CDH12: variants seen among roughly 807,000 people sequenced by gnomAD.
CDH12 encodes cadherin-12.
In CDH12, 41 loss-of-function variants were observed where a neutral mutation model predicts 74.1. That is an observed-to-expected ratio of 0.55 (90% CI 0.43 to 0.72). The LOEUF (loss-of-function observed/expected upper bound fraction) is 0.72. Among genes scored for constraint, CDH12 ranks in the 30% least tolerant of loss-of-function variants. The pLI is 0.00. For synonymous variants in CDH12, 399 were observed against 355.0 expected (o/e 1.12, Z -1.39); for missense variants, 945 against 977.2 (o/e 0.97, Z 0.44).
At chr5:21,857,113 C>A (rs555730781) in intron 6 of CDH12, among the ~76,000 whole-genome samples, 59 of 151,774 alleles carry the variant, frequency 3.9e-4, no homozygotes, top group Non-Finnish European at 7.7e-4. Flanking sequence ...GCATGCAAAT[C>A]TCCGAGGACT....
intron 13 of CDH12, 64 bp from the exon 14 acceptor site, chr5:21,755,906 G>A: frequency 2.0e-6 from 3 of 1,487,934 alleles, no homozygotes; most frequent in Non-Finnish European, 2.8e-6. Flanking sequence ...CTTCAAGTTG[G>A]TATCTGCTCA....
At chr5:22,838,764 T>C (rs1335217755) in intron 1 of CDH12, among the ~76,000 whole-genome samples, 1 of 151,694 alleles carries the variant, frequency 6.6e-6, no homozygotes, top group Non-Finnish European at 1.5e-5. Flanking sequence ...AACCTCTGCC[T>C]CCTGGGCTCA....
At chr5:22,712,765 G>A (rs1200889450) in intron 1 of CDH12, among the ~76,000 whole-genome samples, 4 of 152,082 alleles carry the variant, frequency 2.6e-5, no homozygotes, top group African/African-American at 9.7e-5. Context: ...GTCACAAAAT[G>A]TATAAGAGGT....
intron 1 of CDH12, among the ~76,000 whole-genome samples, chr5:22,514,236 C>A (rs1736720118): frequency 6.6e-6 from 1 of 151,466 alleles, no homozygotes; most frequent in Admixed American, 6.6e-5. Flanking sequence ...ACTGAAGATT[C>A]CAGATAAAAT....
intron 3 of CDH12, among the ~76,000 whole-genome samples, chr5:22,225,648 T>C (rs1184394295): frequency 6.6e-6 from 1 of 152,082 alleles, no homozygotes; most frequent in East Asian, 1.9e-4. Flanking sequence ...AAGTGTCTAT[T>C]TGGCATGCTT....
chr5:22,450,725 G>A (rs1257418763), intron 2 of CDH12, among the ~76,000 whole-genome samples: 1 of 151,662 alleles, frequency 6.6e-6, no homozygotes, highest in Non-Finnish European at 1.5e-5. Flanking sequence ...ATTATCTAAT[G>A]GTTTTTATCC....
chr5:21,868,392 A>T (rs972773198), intron 6 of CDH12, among the ~76,000 whole-genome samples: 2 of 152,158 alleles, frequency 1.3e-5, no homozygotes, highest in African/African-American at 4.8e-5. Context: ...TCAAGAAACC[A>T]AACTGTAGGG....
At chr5:22,658,278 T>A (rs893438434) in intron 1 of CDH12, among the ~76,000 whole-genome samples, 1 of 152,116 alleles carries the variant, frequency 6.6e-6, no homozygotes, top group African/African-American at 2.4e-5. Context: ...AGTGTTCATA[T>A]AAAATACCCA....
intron 3 of CDH12, among the ~76,000 whole-genome samples, chr5:22,251,799 T>C (rs1753144731): frequency 6.6e-6 from 1 of 152,132 alleles, no homozygotes; most frequent in South Asian, 2.1e-4. Flanking sequence ...CTCTACCCTT[T>C]GGGAAAGTAT....
At chr5:21,774,961 GA>G (rs1473864684) in intron 11 of CDH12, among the ~76,000 whole-genome samples, 1 of 152,144 alleles carries the variant, frequency 6.6e-6, no homozygotes, top group Non-Finnish European at 1.5e-5. Flanking sequence ...GTTACTCAGG[GA>G]GCTTGTTTGA....
chr5:22,035,368 T>C (rs1259864850), intron 5 of CDH12, among the ~76,000 whole-genome samples: 1 of 151,092 alleles, frequency 6.6e-6, no homozygotes, highest in Non-Finnish European at 1.5e-5. Flanking sequence ...GGTAGTTAAG[T>C]TAATTTCTCT....
At chr5:22,189,777 T>C (rs1201818828) in intron 4 of CDH12, among the ~76,000 whole-genome samples, 2 of 152,130 alleles carry the variant, frequency 1.3e-5, no homozygotes, top group Admixed American at 1.3e-4. Flanking sequence ...TGCTCAATAG[T>C]GGCACATGCA....
chr5:22,006,347 C>T (rs1259531590), intron 5 of CDH12, among the ~76,000 whole-genome samples: 2 of 151,904 alleles, frequency 1.3e-5, no homozygotes, highest in African/African-American at 2.4e-5. Context: ...ATTTGAAATG[C>T]TTTCTCGGGT....
At chr5:22,266,037 GATTA>G (rs1435492662) in intron 3 of CDH12, among the ~76,000 whole-genome samples, 1 of 130,268 alleles carries the variant, frequency 7.7e-6, no homozygotes, top group African/African-American at 2.9e-5. Context: ...AAGCTTTGTT[GATTA>G]TTTATTTATT....
At chr5:21,818,555 C>T (rs1368059097) in intron 8 of CDH12, among the ~76,000 whole-genome samples, 5 of 151,776 alleles carry the variant, frequency 3.3e-5, no homozygotes, top group African/African-American at 1.2e-4. Context: ...TGGTATCTAC[C>T]ATTTATCTTG....
intron 6 of CDH12, among the ~76,000 whole-genome samples, chr5:21,868,562 C>T (rs893976227): frequency 1.3e-5 from 2 of 152,174 alleles, no homozygotes; most frequent in African/African-American, 4.8e-5. Flanking sequence ...TTATTCTCTA[C>T]CTATAAGACT....
Position 22,117,517 on chromosome 5 carries a change from ATATATAAT to A in CDH12, c.-186-38663_-186-38656del, listed in dbSNP as rs1561129271. On this transcript the variant is annotated intron_variant, in intron 4 of 14. Coordinates refer to ENST00000382254, the MANE Select transcript of CDH12 (RefSeq NM_004061.5). ...TATATATATAATATATATATAATAT[ATATATAAT>A]ATATATATATATATATAGTGTGTGC... is the stretch of plus-strand genomic sequence containing the variant. Among the ~76,000 whole-genome samples, 50 of 87,418 alleles carry A rather than the reference ATATATAAT, an allele frequency of 5.7e-4. No homozygotes were observed. In the East Asian group the frequency reaches 7.4e-3, roughly 13 times the overall value. The allele number at this position is 87,418 out of a possible 152,430, so 57.3% of individuals were successfully genotyped here.
chr5:22,279,719 T>C (rs1736794095), intron 3 of CDH12, among the ~76,000 whole-genome samples: 1 of 152,224 alleles, frequency 6.6e-6, no homozygotes, highest in Non-Finnish European at 1.5e-5. Context: ...TCATTTTTTA[T>C]GGCTGCATAG....
intron 5 of CDH12, among the ~76,000 whole-genome samples, chr5:22,072,018 A>T (rs1741971993): frequency 6.6e-6 from 1 of 151,990 alleles, no homozygotes; most frequent in South Asian, 2.1e-4. Flanking sequence ...CCTTTCAAAT[A>T]TTCTACTCTA....
Sources: allele counts gnomAD v4.1 joint callset (sites outside exome capture counted in the v4.1 genomes callset), GRCh38; gene constraint gnomAD v4.1.1; transcripts MANE v1.5; gene names NCBI Gene and HGNC (gene_info 2026-07-23, HGNC 2026-07-21).